Variants in GRM3 observed in about 807,000 individuals in gnomAD.
The protein encoded by GRM3 is glutamate metabotropic receptor 3, also known as metabotropic glutamate receptor 3.
In GRM3, 26 loss-of-function variants were observed where a neutral mutation model predicts 70.5. The observed-to-expected ratio is 0.37, with a 90% CI of 0.27 to 0.51. The LOEUF is 0.51. Among genes scored for constraint, GRM3 ranks in the 20% least tolerant of loss-of-function variants. GRM3 has a pLI of 0.93. For synonymous variants in GRM3, 443 were observed against 434.9 expected, an observed-to-expected ratio of 1.02 and a Z score of -0.23; for missense variants, 859 against 1,123.8, an observed-to-expected ratio of 0.76 and a Z score of 3.37.
intron 1 of GRM3, among the ~76,000 whole-genome samples, chr7:86,762,949 G>C (rs142967871): frequency 2.8e-3 from 421 of 152,244 alleles, no homozygotes; most frequent in Non-Finnish European, 4.7e-3. Context: ...GGACTTTAGA[G>C]CTAGCCAGGG....
intron 5 of GRM3, among the ~76,000 whole-genome samples, chr7:86,863,998 G>A (rs748556392): frequency 6.0e-4 from 91 of 151,234 alleles, no homozygotes; most frequent in African/African-American, 2.2e-3. Flanking sequence ...ATTAAAATGA[G>A]TTTTTAATTT....
intron 1 of GRM3, among the ~76,000 whole-genome samples, chr7:86,667,588 C>A (rs1000805889): frequency 2.6e-5 from 4 of 152,098 alleles, no homozygotes; most frequent in Admixed American, 2.6e-4. Context: ...CATTATTTTG[C>A]TCTCAAGATA....
At chr7:86,692,015 C>A (rs2116034570) in intron 1 of GRM3, among the ~76,000 whole-genome samples, 1 of 152,260 alleles carries the variant, frequency 6.6e-6, no homozygotes, top group South Asian at 2.1e-4. Context: ...AATGATTTGC[C>A]TTTCTAACAG....
At chr7:86,802,105 A>G (rs1021954072) in intron 3 of GRM3, among the ~76,000 whole-genome samples, 2 of 152,180 alleles carry the variant, frequency 1.3e-5, no homozygotes, top group African/African-American at 4.8e-5. Flanking sequence ...TATTTTATTC[A>G]TTAATTCTCA....
intron 1 of GRM3, among the ~76,000 whole-genome samples, chr7:86,752,572 A>G (rs1796255371): frequency 6.6e-6 from 1 of 152,214 alleles, no homozygotes; most frequent in East Asian, 1.9e-4. Flanking sequence ...ACAACAAGAT[A>G]GTAGGGGTCA....
chr7:86,681,381 A>T (rs1028319069), intron 1 of GRM3, among the ~76,000 whole-genome samples: 1 of 152,178 alleles, frequency 6.6e-6, no homozygotes, highest in Non-Finnish European at 1.5e-5. Context: ...AGATTAAAAG[A>T]TACTATATCT....
intron 1 of GRM3, among the ~76,000 whole-genome samples, chr7:86,713,746 T>G (rs1360935968): frequency 3.3e-5 from 5 of 152,016 alleles, no homozygotes; most frequent in Non-Finnish European, 7.4e-5. Flanking sequence ...TTACAACTTC[T>G]AGCAAAGTAG....
rs531950949 is a variant in GRM3 at position 86,690,559 on chromosome 7, G to T, written c.-141+45687G>T. 2.6e-5 allele frequency among the ~76,000 whole-genome samples: 4 copies of T among 152,158 alleles called. No individual in the cohort carries two copies. In the South Asian group the frequency reaches 8.3e-4, roughly 32 times the overall value. On this transcript the variant is annotated intron_variant, in intron 1 of 5. Transcript: ENST00000361669. ...AAGCAGACATATGTGAAATACAGAG[G>T]TTGGAAATCTGCCTTACTTATGTAT...
At chr7:86,836,332 G>A (rs1301501165) in intron 3 of GRM3, among the ~76,000 whole-genome samples, 10 of 152,014 alleles carry the variant, frequency 6.6e-5, no homozygotes, top group Admixed American at 6.6e-4. Context: ...TTTATAAAGG[G>A]AAAACCTTAG....
intron 3 of GRM3, among the ~76,000 whole-genome samples, chr7:86,801,064 CTTTTTTTTTTTT>C (rs67046105): frequency 4.6e-5 from 4 of 86,826 alleles, no homozygotes; most frequent in African/African-American, 2.0e-4. Context: ...CAAACTTCTT[CTTTTTTTTTTTT>C]TTTTTTTTTT....
chr7:86,830,902 G>A (rs767270466), intron 3 of GRM3, among the ~76,000 whole-genome samples: 15 of 152,122 alleles, frequency 9.9e-5, no homozygotes, highest in Non-Finnish European at 1.6e-4. Context: ...TATAAACACA[G>A]AGACACAAGG....
At chr7:86,667,465 A>G (rs1794055997) in intron 1 of GRM3, among the ~76,000 whole-genome samples, 1 of 152,148 alleles carries the variant, frequency 6.6e-6, no homozygotes, top group Admixed American at 6.6e-5. Flanking sequence ...AGGCTATTAC[A>G]ATAAACACTA....
At chr7:86,779,590 A>G (rs915867844) in intron 2 of GRM3, among the ~76,000 whole-genome samples, 1 of 152,236 alleles carries the variant, frequency 6.6e-6, no homozygotes, top group Non-Finnish European at 1.5e-5. Context: ...ACTCCAGTGG[A>G]GAACTTAGTG....
chr7:86,838,363 A>C (rs1270532941), intron 3 of GRM3, among the ~76,000 whole-genome samples: 1 of 152,208 alleles, frequency 6.6e-6, no homozygotes, highest in African/African-American at 2.4e-5. Context: ...TAATGCAAAA[A>C]ATGTTCTTTA....
chr7:86,863,637 C>T (rs1040307146), intron 5 of GRM3, among the ~76,000 whole-genome samples: 1 of 152,174 alleles, frequency 6.6e-6, no homozygotes, highest in Non-Finnish European at 1.5e-5. Context: ...TCAAACCAGT[C>T]TCTAAGGCAG....
intron 1 of GRM3, among the ~76,000 whole-genome samples, chr7:86,686,220 T>C (rs1228017452): frequency 6.6e-6 from 1 of 152,152 alleles, no homozygotes; most frequent in Non-Finnish European, 1.5e-5. Flanking sequence ...CAGTGGGTAT[T>C]TCTCCATAGA....
chr7:86,676,382 CA>C (rs1272001034), intron 1 of GRM3, among the ~76,000 whole-genome samples: 1 of 151,586 alleles, frequency 6.6e-6, no homozygotes, highest in Non-Finnish European at 1.5e-5. Flanking sequence ...CCTATACTAA[CA>C]AAAAAATTAA....
At chr7:86,793,844 A>G (rs1176076467) in intron 3 of GRM3, among the ~76,000 whole-genome samples, 1 of 152,104 alleles carries the variant, frequency 6.6e-6, no homozygotes, top group African/African-American at 2.4e-5. Flanking sequence ...ATTATTATTT[A>G]ATAATCCTTA....
intron 1 of GRM3, among the ~76,000 whole-genome samples, chr7:86,702,441 A>T (rs185802991): frequency 6.6e-6 from 1 of 152,114 alleles, no homozygotes; most frequent in African/African-American, 2.4e-5. Context: ...AGCTCTATTT[A>T]AAATCACAGA....
Sources: allele counts gnomAD v4.1 joint callset (sites outside exome capture counted in the v4.1 genomes callset), GRCh38; gene constraint gnomAD v4.1.1; transcripts MANE v1.5; gene names NCBI Gene and HGNC (gene_info 2026-07-23, HGNC 2026-07-21).